Variants in ASXL3 observed in about 807,000 individuals in gnomAD.
ASXL3 encodes putative Polycomb group protein ASXL3.
In ASXL3, 34 loss-of-function variants were observed where a neutral mutation model predicts 170.6. That is an observed-to-expected ratio of 0.20 (90% CI 0.15 to 0.27). The LOEUF (loss-of-function observed/expected upper bound fraction) is 0.27, where lower values mean the gene tolerates loss of function less well. ASXL3 is among the 10% of genes least tolerant of loss of function. The pLI, the probability that ASXL3 is intolerant of heterozygous loss-of-function variation, is 1.00. For missense variants in ASXL3, 2,592 were observed against 2,695.3 expected, an observed-to-expected ratio of 0.96 and a Z score of 0.85; for synonymous variants, 1,002 against 989.1, an observed-to-expected ratio of 1.01 and a Z score of -0.24.
At chr18:33,727,801 C>T (rs1442530930) in intron 8 of ASXL3, among the ~76,000 whole-genome samples, 3 of 152,222 alleles carry the variant, frequency 2.0e-5, no homozygotes, top group South Asian at 2.1e-4. Context: ...TAAAATTAAT[C>T]GTGTATTTAA....
intron 8 of ASXL3, among the ~76,000 whole-genome samples, chr18:33,685,407 G>A (rs767694013): frequency 6.6e-6 from 1 of 152,116 alleles, no homozygotes; most frequent in Non-Finnish European, 1.5e-5. Flanking sequence ...TGATTCTTCC[G>A]TTATAAGCTT....
rs2067753127 is a variant in ASXL3, at chr18:33,745,053, C to T, written c.5205C>T (p.Ser1735=). 5 of 1,614,020 alleles carry T rather than the reference C, an allele frequency of 3.1e-6. No individual in the cohort carries two copies. The East Asian group carries it at 1.1e-4, about 36-fold the overall frequency. Residue 1735 remains serine (S), a synonymous_variant, in exon 12 of 12, where the codon AGC becomes AGT. Transcript: ENST00000269197. ...TGAAGAGAGTCCCTGGTGCAGGGAG[C>T]TCAGGCTGTCGTCTGTCCTCTGTGG... ...DALKRVPGAG[S]SGCRLSSVEA... is the part of the protein sequence containing the mutation.
chr18:33,696,065 G>A (rs1219395511), intron 8 of ASXL3, among the ~76,000 whole-genome samples: 1 of 152,030 alleles, frequency 6.6e-6, no homozygotes, highest in African/African-American at 2.4e-5. Context: ...TTTTAGTAAG[G>A]AGCATTCTAA....
intron 1 of ASXL3, among the ~76,000 whole-genome samples, chr18:33,603,400 G>A (rs1399852087): frequency 6.6e-6 from 1 of 151,922 alleles, no homozygotes; most frequent in Admixed American, 6.6e-5. Context: ...TATATTGCAG[G>A]TATTACAGGT....
intron 8 of ASXL3, among the ~76,000 whole-genome samples, chr18:33,703,655 C>A (rs372804837): frequency 1.1e-4 from 17 of 151,830 alleles, no homozygotes; most frequent in African/African-American, 3.9e-4. Context: ...ATAAATCACT[C>A]CCCCCCAACC....
intron 1 of ASXL3, among the ~76,000 whole-genome samples, chr18:33,581,800 G>T (rs1339443842): frequency 6.6e-6 from 1 of 152,188 alleles, no homozygotes; most frequent in Non-Finnish European, 1.5e-5. Context: ...AAAGAAGTGT[G>T]TAATGCTTGT....
chr18:33,654,554 T>C, intron 4 of ASXL3, among the ~76,000 whole-genome samples: 1 of 152,110 alleles, frequency 6.6e-6, no homozygotes, highest in South Asian at 2.1e-4. Context: ...ACACTTAACC[T>C]TGACCTGTGC....
intron 8 of ASXL3, among the ~76,000 whole-genome samples, chr18:33,712,758 G>A (rs1599529487): frequency 6.6e-6 from 1 of 152,280 alleles, no homozygotes; most frequent in African/African-American, 2.4e-5. Flanking sequence ...GGTTTTCAAG[G>A]TGTGTTAGTC....
chr18:33,720,630 G>A (rs780642652), intron 8 of ASXL3, among the ~76,000 whole-genome samples: 1 of 152,106 alleles, frequency 6.6e-6, no homozygotes, highest in Non-Finnish European at 1.5e-5. Context: ...GTCCCAAGAT[G>A]TGGCCAAAGG....
chr18:33,637,760 C>A lies in ASXL3; in HGVS notation c.138-7134C>A, dbSNP rs75925401. 8.5e-3 allele frequency among the ~76,000 whole-genome samples: 1,289 copies of A among 152,198 alleles called. 5 individuals are homozygous for A. Among genetic ancestry groups the A allele is most frequent in the Non-Finnish European group, 0.014 (973 of 68,010 alleles). On this transcript the variant is annotated intron_variant, in intron 2 of 11. Transcript: ENST00000269197. ...GGGTTGACTGCCTCTGCATAGGAGT[C>A]AATGACATGATATGTTTGTACATGA...
chr18:33,649,895 G>A (rs997572934), intron 4 of ASXL3, among the ~76,000 whole-genome samples: 2 of 152,030 alleles, frequency 1.3e-5, no homozygotes, highest in Non-Finnish European at 2.9e-5. Flanking sequence ...TTTCAGAGCT[G>A]ATAAGAAAGA....
chr18:33,591,883 C>T (rs9945655), intron 1 of ASXL3, among the ~76,000 whole-genome samples: 1,662 of 152,026 alleles, frequency 0.011, 39 homozygotes, highest in African/African-American at 0.038. Flanking sequence ...CCTCGTGATC[C>T]GCCTGCCTCA....
At chr18:33,595,851 T>C (rs983672064) in intron 1 of ASXL3, among the ~76,000 whole-genome samples, 1 of 152,198 alleles carries the variant, frequency 6.6e-6, no homozygotes, top group African/African-American at 2.4e-5. Flanking sequence ...TTCCCATCCT[T>C]AATAGGAAGC....
chr18:33,581,035 G>C (rs2064987197), intron 1 of ASXL3, among the ~76,000 whole-genome samples: 1 of 152,054 alleles, frequency 6.6e-6, no homozygotes, highest in Admixed American at 6.5e-5. Flanking sequence ...GGTTAACGGT[G>C]ATAACTGGTC....
intron 8 of ASXL3, among the ~76,000 whole-genome samples, chr18:33,717,520 C>T (rs62092431): frequency 0.078 from 11,871 of 152,008 alleles, 505 homozygotes; most frequent in African/African-American, 0.08. Context: ...TGAGACAAAC[C>T]GCCACTCAAA....
At chr18:33,720,303 AATAG>A (rs758429600) in intron 8 of ASXL3, among the ~76,000 whole-genome samples, 12 of 151,864 alleles carry the variant, frequency 7.9e-5, no homozygotes, top group South Asian at 2.1e-4. Context: ...AGGAATGACT[AATAG>A]ATAGTCACTT....
intron 8 of ASXL3, among the ~76,000 whole-genome samples, chr18:33,694,173 C>A (rs988008087): frequency 6.6e-6 from 1 of 152,120 alleles, no homozygotes; most frequent in Non-Finnish European, 1.5e-5. Context: ...CTCAATCCCC[C>A]TTATGGGAAT....
At chr18:33,673,614 C>G (rs568418945) in intron 7 of ASXL3, among the ~76,000 whole-genome samples, 2 of 152,234 alleles carry the variant, frequency 1.3e-5, no homozygotes, top group Admixed American at 1.3e-4. Context: ...GATCCGCCTG[C>G]CTTTGCCTCC....
intron 8 of ASXL3, among the ~76,000 whole-genome samples, chr18:33,712,497 G>C (rs1364851624): frequency 6.6e-6 from 1 of 152,154 alleles, no homozygotes; most frequent in Non-Finnish European, 1.5e-5. Context: ...ATTTCAGACT[G>C]CTCTCTTATT....
Sources: gnomAD v4.1 joint callset for allele counts (sites outside exome capture counted in the v4.1 genomes callset) on GRCh38, gnomAD v4.1.1 for gene constraint, MANE v1.5 for transcripts, NCBI Gene and HGNC (gene_info 2026-07-23, HGNC 2026-07-21) for gene names.